MBNL2: variants seen among roughly 807,000 people sequenced by gnomAD.
MBNL2 encodes the protein muscleblind-like protein 2.
In MBNL2, 17 loss-of-function variants were observed where a neutral mutation model predicts 41.9. The observed-to-expected ratio is 0.41, with a 90% confidence interval of 0.28 to 0.61. MBNL2 has a LOEUF of 0.61. MBNL2 is among the 20% of genes least tolerant of loss of function. The pLI, the probability that MBNL2 is intolerant of heterozygous loss-of-function variation, is 0.35. For synonymous variants in MBNL2, 195 were observed against 182.9 expected, an observed-to-expected ratio of 1.07 and a Z score of -0.53; for missense variants, 336 against 505.6, an observed-to-expected ratio of 0.66 and a Z score of 3.22.
rs2063884335 is a variant in MBNL2, at chr13:97,366,851, G to T, written c.1048+1680G>T. Among the ~76,000 whole-genome samples the T allele has an allele frequency of 6.6e-6, 1 of 152,072 alleles. No individual in the cohort carries two copies. The highest frequency in any genetic ancestry group is 1.5e-5 in the Non-Finnish European group (1 of 68,010). On this transcript the variant is annotated intron_variant, in intron 8 of 8. Transcript: ENST00000679496. This position sits in a 1 kb window ranked among gnomAD's most constrained non-coding sequence, Gnocchi z 4.7. ...TACAGCATTACCTATCCAGTGGTTT[G>T]TGAATGGCCACATAAAAATTGTAGA...
intron 2 of MBNL2, among the ~76,000 whole-genome samples, chr13:97,278,679 G>A (rs1212364593): frequency 6.6e-6 from 1 of 152,098 alleles, no homozygotes; most frequent in Non-Finnish European, 1.5e-5. Context: ...AGTAAAAAAG[G>A]GCTTTAAAAA....
At chr13:97,275,266 T>G (rs1167856309) in intron 1 of MBNL2, among the ~76,000 whole-genome samples, 1 of 152,210 alleles carries the variant, frequency 6.6e-6, no homozygotes, top group Non-Finnish European at 1.5e-5. Context: ...AATAATTGTT[T>G]ATAGCATTCC....
the MBNL2 span, among the ~76,000 whole-genome samples, chr13:97,143,569 T>G: frequency 1.1e-4 from 16 of 152,358 alleles, no homozygotes; most frequent in South Asian, 2.9e-3. Context: ...ATGTTTGTAC[T>G]CAAGTAAATG....
intron 2 of MBNL2, among the ~76,000 whole-genome samples, chr13:97,317,511 A>G (rs9582124): frequency 0.28 from 42,581 of 152,136 alleles, 6,180 homozygotes; most frequent in Middle Eastern, 0.32. Flanking sequence ...TAAGCAAAGC[A>G]TTGATATGTG....
chr13:97,221,369 G>GAAATAAATAAATAAATAAATAAAT (rs112515027), upstream of MBNL2: 1 of 150,926 alleles, frequency 6.6e-6, no homozygotes, highest in African/African-American at 2.4e-5. Flanking sequence ...TGTAGACTGG[G>GAAATAAATAAATAAATAAATAAAT]AAATAAATAA....
In MBNL2 at chr13:97,238,602, G is replaced by A. The variant is rs529143446; in HGVS notation, c.-605+16071G>A. On this transcript the variant is annotated intron_variant, in intron 1 of 8. Coordinates refer to ENST00000679496, the MANE Select transcript of MBNL2 (RefSeq NM_001382683.1). ...CCAAGACAACGCCTCTGACCTTTGG[G>A]AAAGTCCCTTTTTGGAAGAGTGCTG... Among the ~76,000 whole-genome samples, 4 of 152,284 alleles carry A rather than the reference G, an allele frequency of 2.6e-5. No homozygotes were observed. In the East Asian group the frequency reaches 7.7e-4, roughly 29 times the overall value.
intron 8 of MBNL2, among the ~76,000 whole-genome samples, chr13:97,378,011 T>A (rs927451603): frequency 6.6e-6 from 1 of 151,796 alleles, no homozygotes; most frequent in African/African-American, 2.4e-5. Context: ...TGAGACTGGA[T>A]GCACAGAGGT....
the MBNL2 span, among the ~76,000 whole-genome samples, chr13:97,147,355 G>A: frequency 2.0e-5 from 3 of 152,180 alleles, no homozygotes; most frequent in Admixed American, 2.0e-4. Context: ...CATATTGGCA[G>A]TTGTCCTTAC....
At chr13:97,281,514 G>A (rs1030817892) in intron 2 of MBNL2, among the ~76,000 whole-genome samples, 1 of 152,166 alleles carries the variant, frequency 6.6e-6, no homozygotes, top group African/African-American at 2.4e-5. Context: ...AAGATGTCAA[G>A]TGTAAGTTGC....
At chr13:97,391,286 G>A (rs372069584) in intron 8 of MBNL2, 36 bp from the exon 9 acceptor site, 12 of 909,820 alleles carry the variant, frequency 1.3e-5, no homozygotes, top group Middle Eastern at 2.2e-4. Context: ...CCTCCCAGAA[G>A]GATACCTAAA....
At chr13:97,316,806 C>T (rs1594201340) in intron 2 of MBNL2, among the ~76,000 whole-genome samples, 4 of 152,336 alleles carry the variant, frequency 2.6e-5, no homozygotes, top group African/African-American at 7.2e-5. Context: ...GCCCTCAGCA[C>T]GTTCTGCTGT....
chr13:97,362,429 A>G (rs2153114602), intron 7 of MBNL2, among the ~76,000 whole-genome samples: 1 of 152,332 alleles, frequency 6.6e-6, no homozygotes, highest in Non-Finnish European at 1.5e-5. Context: ...TAAAGAAGTG[A>G]CATATACCCT....
intron 6 of MBNL2, 112 bp downstream of exon 6, chr13:97,356,961 A>G: frequency 3.7e-6 from 2 of 536,224 alleles, no homozygotes; most frequent in South Asian, 2.4e-5. Flanking sequence ...TAATTTATGG[A>G]AAAAATCCAA....
chr13:97,218,440 C>CAAAAAAAAA (rs372883729), upstream of MBNL2, among the ~76,000 whole-genome samples: 110 of 117,908 alleles, frequency 9.3e-4, 1 homozygote, highest in South Asian at 6.6e-3. Context: ...CAAAACAAAA[C>CAAAAAAAAA]AAAAAAAAAA....
chr13:97,274,057 G>A (rs968132603), intron 1 of MBNL2, among the ~76,000 whole-genome samples: 7 of 151,468 alleles, frequency 4.6e-5, no homozygotes, highest in African/African-American at 1.2e-4. Flanking sequence ...GTGAAACTCC[G>A]TCTCAAAAAA....
rs184538937 is a variant in MBNL2 at position 97,241,049 on chromosome 13, A to T, written c.-605+18518A>T. Among the ~76,000 whole-genome samples the T allele has an allele frequency of 2.0e-3, 298 of 152,278 alleles. 2 individuals are homozygous for T. Among genetic ancestry groups the T allele is most frequent in the Non-Finnish European group, 2.6e-3 (177 of 68,020 alleles). ...TCTGGGTCCAGGAAACACTCCCATT[A>T]TATCTGCCGTTCCATTCTAGCCCTC... On this transcript the variant is annotated intron_variant, in intron 1 of 8. Transcript: ENST00000679496.
At chr13:97,189,927 T>C in the MBNL2 span, among the ~76,000 whole-genome samples, 1 of 152,232 alleles carries the variant, frequency 6.6e-6, no homozygotes, top group Non-Finnish European at 1.5e-5. Flanking sequence ...TAGTGCTTTT[T>C]CAATCATGCC....
chr13:97,371,186 G>A (rs992664192), intron 8 of MBNL2, among the ~76,000 whole-genome samples: 1 of 152,036 alleles, frequency 6.6e-6, no homozygotes, highest in South Asian at 2.1e-4. Flanking sequence ...ATTTCAAAGG[G>A]AGAGAAAATA....
At chr13:97,272,651 A>T (rs2051296793) in intron 1 of MBNL2, among the ~76,000 whole-genome samples, 1 of 152,144 alleles carries the variant, frequency 6.6e-6, no homozygotes, top group Non-Finnish European at 1.5e-5. Context: ...CCCTGCTTTT[A>T]AAAGCAAGTT....
Sources: allele counts gnomAD v4.1 joint callset (sites outside exome capture counted in the v4.1 genomes callset), GRCh38; gene constraint gnomAD v4.1.1; non-coding constraint Gnocchi (gnomAD v3.1); transcripts MANE v1.5; gene names NCBI Gene and HGNC (gene_info 2026-07-23, HGNC 2026-07-21).